Variants in TMEM131 observed in about 807,000 individuals in gnomAD.
TMEM131 encodes the protein 2610524E03Rik.
TMEM131 carries 66 observed loss-of-function variants against 211.6 expected under a neutral mutation model. The ratio of observed to expected loss-of-function variants is 0.31; its 90% confidence interval spans 0.26 to 0.38. The LOEUF is 0.38. TMEM131 is among the 10% of genes least tolerant of loss of function. TMEM131 has a pLI of 1.00. For synonymous variants in TMEM131, 844 were observed against 841.3 expected (o/e 1.00, Z -0.06); for missense variants, 2,036 against 2,299.3 (o/e 0.89, Z 2.34).
At chr2:97,991,348 G>A (rs575779196) in intron 1 of TMEM131, among the ~76,000 whole-genome samples, 1 of 152,322 alleles carries the variant, frequency 6.6e-6, no homozygotes, top group African/African-American at 2.4e-5. Flanking sequence ...CAGAAATGGC[G>A]AAAGGCGGTA....
chr2:97,775,629 A>G (rs987274475), intron 32 of TMEM131, among the ~76,000 whole-genome samples: 1 of 152,174 alleles, frequency 6.6e-6, no homozygotes, highest in Non-Finnish European at 1.5e-5. Context: ...CCTGGAGGAC[A>G]TGGAGCCATT....
At chr2:97,843,321 T>A (rs2105106410) in intron 6 of TMEM131, among the ~76,000 whole-genome samples, 1 of 152,232 alleles carries the variant, frequency 6.6e-6, no homozygotes, top group South Asian at 2.1e-4. Context: ...ATATGAGCAA[T>A]TATTGTTAAG....
intron 35 of TMEM131, among the ~76,000 whole-genome samples, chr2:97,765,583 T>G (rs942407732): frequency 2.0e-5 from 3 of 152,244 alleles, no homozygotes; most frequent in South Asian, 2.1e-4. Context: ...TTTGGTTGAC[T>G]GTGCCTACTG....
At chr2:97,828,619 T>C (rs1682510817) in intron 11 of TMEM131, among the ~76,000 whole-genome samples, 1 of 152,212 alleles carries the variant, frequency 6.6e-6, no homozygotes, top group Non-Finnish European at 1.5e-5. Context: ...AATAGACTCT[T>C]TGGCAGCAGT....
intron 1 of TMEM131, among the ~76,000 whole-genome samples, chr2:97,977,403 A>G (rs1397422931): frequency 6.6e-6 from 1 of 152,238 alleles, no homozygotes; most frequent in Non-Finnish European, 1.5e-5. Flanking sequence ...TAAGCACATG[A>G]AAAGATGCTC....
rs1679699724 is a variant in TMEM131 at position 97,979,655 on chromosome 2, CT to C, written c.187+15820del. On this transcript the variant is annotated intron_variant, in intron 1 of 40. Coordinates refer to ENST00000186436, the MANE Select transcript of TMEM131 (RefSeq NM_015348.2). ...ATAGAACTGAAGAGAAGAGAGGGGC[CT>C]TGCTCTGGATTAAACTCTGACCTAA... Among the ~76,000 whole-genome samples, 3 of 152,038 alleles carry C rather than the reference CT, an allele frequency of 2.0e-5. No homozygotes were observed. In the South Asian group the frequency reaches 6.2e-4, roughly 31 times the overall value.
At chr2:97,885,695 T>C (rs941879497) in intron 4 of TMEM131, among the ~76,000 whole-genome samples, 1 of 152,224 alleles carries the variant, frequency 6.6e-6, no homozygotes, top group Non-Finnish European at 1.5e-5. Flanking sequence ...TTTCTCTTGC[T>C]ACTTTTAGAA....
chr2:97,818,861 T>C, intron 11 of TMEM131, 140 bp from the exon 12 acceptor site: 1 of 572,080 alleles, frequency 1.7e-6, no homozygotes, highest in Non-Finnish European at 3.1e-6. Context: ...TCCCTTTAAA[T>C]GGAGTAGGCC....
At position 97,922,361 on chromosome 2, in the gene TMEM131, C is replaced by T. The variant is rs577994216; in HGVS notation, c.249+5065G>A. On this transcript the variant is annotated intron_variant, in intron 2 of 40. Coordinates refer to ENST00000186436, the MANE Select transcript of TMEM131 (RefSeq NM_015348.2). ...GGGGTTGGGGATCCCTACTCTATGA[C>T]CCAACAACTGCATTCTAATCCCTCA... 5.9e-5 allele frequency among the ~76,000 whole-genome samples: 9 copies of T among 152,224 alleles called. 1 individual carries two copies. In the East Asian group the frequency reaches 1.5e-3, roughly 26 times the overall value.
intron 1 of TMEM131, among the ~76,000 whole-genome samples, chr2:97,979,277 G>C (rs1679682819): frequency 6.6e-6 from 1 of 152,098 alleles, no homozygotes; most frequent in Admixed American, 6.5e-5. Context: ...ATGAGCATTG[G>C]CTTCAACTTA....
In TMEM131 at chr2:97,758,876, C is replaced by T. The variant is rs1345077782; in HGVS notation, c.5367+17G>A. The T allele has an allele frequency of 1.9e-6, 3 of 1,598,766 alleles. No individual in the cohort carries two copies. Among genetic ancestry groups the T allele is most frequent in the Non-Finnish European group, 2.6e-6 (3 of 1,172,336 alleles). On this transcript the variant is annotated intron_variant, in intron 40 of 40. Coordinates refer to ENST00000186436, the MANE Select transcript of TMEM131 (RefSeq NM_015348.2). ...GTGGGCCAGGTCCAGGCCCCAGCCCCAGCCCCAAGTACTCACTGTGGCTGT... is the reference window on the plus strand; with the variant it reads ...GTGGGCCAGGTCCAGGCCCCAGCCCTAGCCCCAAGTACTCACTGTGGCTGT...
At position 97,848,199 on chromosome 2, in the gene TMEM131, T is replaced by C. The variant is rs974434499; in HGVS notation, c.484-3938A>G. Reference sequence around the variant, plus strand: ...CAACAAAAGTACAGTGGGATTTCAATGAAAAAGAATAGTTGTTTTCAACCA... The same window carrying C: ...CAACAAAAGTACAGTGGGATTTCAACGAAAAAGAATAGTTGTTTTCAACCA... On this transcript the variant is annotated intron_variant, in intron 5 of 40. Coordinates refer to ENST00000186436, the MANE Select transcript of TMEM131 (RefSeq NM_015348.2). Among the ~76,000 whole-genome samples the C allele has an allele frequency of 5.3e-4, 80 of 152,240 alleles. 1 individual carries two copies. Among genetic ancestry groups the C allele is most frequent in the Admixed American group, 4.5e-3 (69 of 15,304 alleles).
intron 1 of TMEM131, among the ~76,000 whole-genome samples, chr2:97,986,812 T>C (rs1175973837): frequency 6.6e-6 from 1 of 152,218 alleles, no homozygotes; most frequent in Non-Finnish European, 1.5e-5. Context: ...GGTGGTCCAA[T>C]TTCGCCCAAA....
intron 5 of TMEM131, among the ~76,000 whole-genome samples, chr2:97,850,744 A>T (rs1050660371): frequency 1.3e-5 from 2 of 152,184 alleles, no homozygotes; most frequent in Non-Finnish European, 2.9e-5. Context: ...AAAAAAGGTG[A>T]AAGTTTTAGA....
chr2:97,802,305 T>C (rs866283596), intron 24 of TMEM131, 123 bp downstream of exon 24: 13 of 788,208 alleles, frequency 1.6e-5, no homozygotes, highest in South Asian at 8.2e-5. Flanking sequence ...CTCAACCTTA[T>C]AGATCCAGAA....
At chr2:97,860,405 C>A (rs1674020613) in intron 4 of TMEM131, among the ~76,000 whole-genome samples, 1 of 152,170 alleles carries the variant, frequency 6.6e-6, no homozygotes, top group African/African-American at 2.4e-5. Flanking sequence ...ACCCTTCTTT[C>A]ACAAGGTCCT....
intron 3 of TMEM131, among the ~76,000 whole-genome samples, chr2:97,904,707 C>A (rs1573537192): frequency 6.6e-6 from 1 of 151,384 alleles, no homozygotes; most frequent in Non-Finnish European, 1.5e-5. Flanking sequence ...GCTTTTTATT[C>A]CTCTTGTTCT....
Position 97,812,679 on chromosome 2 carries a change from C to A in TMEM131, c.1688G>T (p.Ser563Ile), listed in dbSNP as rs1340374586. The A allele has an allele frequency of 6.3e-7, 1 of 1,598,000 alleles. No individual in the cohort carries two copies. Among genetic ancestry groups the A allele is most frequent in the Non-Finnish European group, 8.5e-7 (1 of 1,175,328 alleles). ...DFGVLSATEA[S>I]NILFAIINSN... ...GTTTATAATTGCAAATAAAATATTA[C>A]TTGCTTCTGTAGCACTCAGTACTCC... is the stretch of plus-strand genomic sequence containing the variant. Residue 563 changes from serine (S) to isoleucine (I), a missense_variant, in exon 16 of 41, where the codon AGT (serine) becomes ATT (isoleucine). Ser to Ile is a moderately radical substitution (Grantham distance 142). Around this residue, in one of 3 missense-constraint regions of TMEM131, gnomAD observed 1,623 missense variants for 1,805.9 expected, o/e 0.90. Transcript: ENST00000186436.
intron 35 of TMEM131, chr2:97,763,356 C>T: frequency 6.5e-6 from 1 of 153,088 alleles, no homozygotes; most frequent in Non-Finnish European, 1.5e-5. Context: ...CTCAGGGCTG[C>T]CTGCTACCTT....
Sources: gnomAD v4.1 joint callset for allele counts (sites outside exome capture counted in the v4.1 genomes callset) on GRCh38, gnomAD v4.1.1 for gene constraint, gnomAD v4.1.1 regional missense constraint, MANE v1.5 for transcripts, NCBI Gene and HGNC (gene_info 2026-07-23, HGNC 2026-07-21) for gene names.